Variants in LRRC40 observed in about 807,000 individuals in gnomAD.
LRRC40 encodes the protein leucine rich repeat containing 40.
Under a neutral mutation model 72.8 loss-of-function variants are expected in LRRC40, and 76 were observed. The observed-to-expected ratio is 1.04, with a 90% CI of 0.87 to 1.26. The LOEUF is 1.26. Ranked by LOEUF, LRRC40 falls within the 50% of genes most tolerant of loss-of-function variation. The pLI is 0.00. For synonymous variants in LRRC40, 243 were observed against 254.2 expected, an observed-to-expected ratio of 0.96 and a Z score of 0.42; for missense variants, 684 against 698.9, an observed-to-expected ratio of 0.98 and a Z score of 0.24.
At chr1:70,203,937 A>C (rs566188919) in intron 1 of LRRC40, among the ~76,000 whole-genome samples, 1 of 152,306 alleles carries the variant, frequency 6.6e-6, no homozygotes, top group South Asian at 2.1e-4. Flanking sequence ...AAATACCATG[A>C]GTTTCTGCCA....
At chr1:70,185,706 T>C (rs1225794972) in intron 3 of LRRC40, among the ~76,000 whole-genome samples, 1 of 152,182 alleles carries the variant, frequency 6.6e-6, no homozygotes, top group Non-Finnish European at 1.5e-5. Flanking sequence ...AAATAGCTAT[T>C]TCTGTTTGAG....
At chr1:70,161,837 A>T (rs1180413900) in intron 9 of LRRC40, among the ~76,000 whole-genome samples, 1 of 152,204 alleles carries the variant, frequency 6.6e-6, no homozygotes, top group Non-Finnish European at 1.5e-5. Flanking sequence ...CATCACACAT[A>T]AACTGGTAGG....
At chr1:70,196,309 G>A (rs1381175318) in intron 1 of LRRC40, among the ~76,000 whole-genome samples, 1 of 152,056 alleles carries the variant, frequency 6.6e-6, no homozygotes, top group Non-Finnish European at 1.5e-5. Flanking sequence ...CAGCACTTTG[G>A]GAGACCATAG....
chr1:70,187,092 GA>G (rs1445131998), intron 3 of LRRC40, among the ~76,000 whole-genome samples, 172 bp downstream of exon 3: 1 of 150,616 alleles, frequency 6.6e-6, no homozygotes, highest in African/African-American at 2.4e-5. Context: ...CTAAAACAAA[GA>G]AAAAAACATA....
chr1:70,181,976 G>A (rs1668256618), intron 4 of LRRC40, among the ~76,000 whole-genome samples: 1 of 151,934 alleles, frequency 6.6e-6, no homozygotes, highest in Admixed American at 6.6e-5. Context: ...GTTAAGCAGT[G>A]TCAATGGCAA....
chr1:70,153,759 A>G (rs557840215), intron 11 of LRRC40, among the ~76,000 whole-genome samples: 1 of 152,202 alleles, frequency 6.6e-6, no homozygotes, highest in Admixed American at 6.5e-5. Context: ...AGGCAAGTGG[A>G]TCAGTTGAGC....
chr1:70,184,021 G>A (rs1257625980), intron 4 of LRRC40, among the ~76,000 whole-genome samples: 1 of 152,136 alleles, frequency 6.6e-6, no homozygotes, highest in African/African-American at 2.4e-5. Flanking sequence ...GGCTGAGGAG[G>A]GTGGATCATT....
chr1:70,185,935 C>T (rs1668350464), intron 3 of LRRC40, among the ~76,000 whole-genome samples: 1 of 152,020 alleles, frequency 6.6e-6, no homozygotes. Context: ...ATTTTCATGC[C>T]ATATACAGTT....
intron 11 of LRRC40, among the ~76,000 whole-genome samples, chr1:70,154,185 T>G (rs1240746819): frequency 6.6e-6 from 1 of 152,158 alleles, no homozygotes; most frequent in African/African-American, 2.4e-5. Context: ...CATTAAAATT[T>G]TTTTAAAAAG....
intron 9 of LRRC40, among the ~76,000 whole-genome samples, chr1:70,162,273 G>A (rs1667781213): frequency 6.6e-6 from 1 of 151,948 alleles, no homozygotes; most frequent in Admixed American, 6.6e-5. Context: ...GATGGAGTGG[G>A]TGGCTACAAA....
At chr1:70,170,392 T>C (rs748178725) in intron 9 of LRRC40, among the ~76,000 whole-genome samples, 1 of 152,078 alleles carries the variant, frequency 6.6e-6, no homozygotes, top group Non-Finnish European at 1.5e-5. Flanking sequence ...GCCAAAGGAA[T>C]TAGGCAAGAA....
chr1:70,185,831 C>T (rs1668348254), intron 3 of LRRC40, among the ~76,000 whole-genome samples: 1 of 152,126 alleles, frequency 6.6e-6, no homozygotes, highest in Admixed American at 6.5e-5. Context: ...AGTCCCAAAT[C>T]ATGGAGGATG....
intron 9 of LRRC40, among the ~76,000 whole-genome samples, chr1:70,161,763 A>T (rs1282463761): frequency 6.6e-6 from 1 of 152,112 alleles, no homozygotes; most frequent in African/African-American, 2.4e-5. Context: ...GTCTCTTAGA[A>T]ATAAGAGTAA....
At chr1:70,162,361 T>A (rs1201016301) in intron 9 of LRRC40, among the ~76,000 whole-genome samples, 1 of 151,756 alleles carries the variant, frequency 6.6e-6, no homozygotes, top group Non-Finnish European at 1.5e-5. Context: ...GACAGAGGCA[T>A]AAAATGCCCC....
At chr1:70,175,397 G>A (rs142583921) in intron 7 of LRRC40, among the ~76,000 whole-genome samples, 72 of 152,222 alleles carry the variant, frequency 4.7e-4, no homozygotes, top group African/African-American at 1.4e-3. Context: ...ATTCATTAGC[G>A]TCCCAGAATC....
chr1:70,162,679 T>G (rs564740016), intron 9 of LRRC40, among the ~76,000 whole-genome samples: 6 of 152,334 alleles, frequency 3.9e-5, no homozygotes, highest in African/African-American at 1.4e-4. Context: ...ACTGTTACCG[T>G]GCTTCTACTC....
rs546870724 is a variant in LRRC40 at position 70,197,402 on chromosome 1, C to G, written c.151+7988G>C. ...AGGAGATCCTCCTGCCTCCGTCTTCCAAGTAGCTAGAACTATGAGGACTAC... is the reference window on the plus strand; with the variant it reads ...AGGAGATCCTCCTGCCTCCGTCTTCGAAGTAGCTAGAACTATGAGGACTAC... On this transcript the variant is annotated intron_variant, in intron 1 of 14. Coordinates refer to ENST00000370952, the MANE Select transcript of LRRC40 (RefSeq NM_017768.5). 7.9e-5 allele frequency among the ~76,000 whole-genome samples: 12 copies of G among 152,068 alleles called. No homozygotes were observed. In the South Asian group the frequency reaches 2.5e-3, roughly 32 times the overall value.
chr1:70,163,079 CTTTT>C (rs377411157), intron 9 of LRRC40, among the ~76,000 whole-genome samples: 2 of 140,538 alleles, frequency 1.4e-5, no homozygotes, highest in African/African-American at 2.6e-5. Context: ...CTTTCCTTTT[CTTTT>C]TTTTTTTTTT....
chr1:70,168,784 A>G (rs1291978227), intron 9 of LRRC40, among the ~76,000 whole-genome samples: 2 of 152,228 alleles, frequency 1.3e-5, no homozygotes, highest in Non-Finnish European at 2.9e-5. Context: ...GGGGCACATT[A>G]TAATGGAAAT....
Sources: allele counts gnomAD v4.1 joint callset (sites outside exome capture counted in the v4.1 genomes callset), GRCh38; gene constraint gnomAD v4.1.1; transcripts MANE v1.5; gene names NCBI Gene and HGNC (gene_info 2026-07-23, HGNC 2026-07-21).